The following MED6 variants were observed in gnomAD, a reference collection of about 807,000 sequenced individuals.
MED6 encodes the protein mediator complex subunit 6, also known as mediator of RNA polymerase II transcription subunit 6.
In MED6, 33 loss-of-function variants were observed where a neutral mutation model predicts 37.5. The ratio of observed to expected loss-of-function variants is 0.88; its 90% CI spans 0.67 to 1.18. The LOEUF is 1.18. Ranked by LOEUF, MED6 falls within the 50% of genes most tolerant of loss-of-function variation. MED6 has a pLI of 0.00. For missense variants in MED6, 235 were observed against 290.6 expected, an observed-to-expected ratio of 0.81 and a Z score of 1.39; for synonymous variants, 94 against 93.6, an observed-to-expected ratio of 1.00 and a Z score of -0.02.
At chr14:70,595,666 T>C (rs566632568) in intron 3 of MED6, 10 of 955,184 alleles carry the variant, frequency 1.0e-5, no homozygotes, top group African/African-American at 3.1e-5. Context: ...TAGGCTGAGA[T>C]CACCACCTAC....
At chr14:70,591,553 T>C in intron 5 of MED6, 172 bp from the exon 6 acceptor site, 1 of 531,830 alleles carries the variant, frequency 1.9e-6, no homozygotes, top group Non-Finnish European at 3.3e-6. Context: ...GAAGTGTTGT[T>C]AACTCTCCCT....
intron 6 of MED6, among the ~76,000 whole-genome samples, chr14:70,587,392 C>T (rs1439723175): frequency 1.3e-5 from 2 of 152,188 alleles, no homozygotes; most frequent in East Asian, 3.8e-4. Flanking sequence ...TGAGAACCCC[C>T]AACAAAGCCA....
At chr14:70,593,761 C>T (rs1417872947) in intron 3 of MED6, among the ~76,000 whole-genome samples, 3 of 152,158 alleles carry the variant, frequency 2.0e-5, no homozygotes, top group Non-Finnish European at 4.4e-5. Flanking sequence ...CTAACGAGTT[C>T]CCAAAAGATG....
At chr14:70,587,021 T>C (rs1325440982) in intron 6 of MED6, among the ~76,000 whole-genome samples, 2 of 152,200 alleles carry the variant, frequency 1.3e-5, no homozygotes, top group East Asian at 3.8e-4. Context: ...CCTGCTTTCT[T>C]CAGAGGTTGT....
At chr14:70,595,489 C>T (rs1885016392) in intron 3 of MED6, 2 of 648,350 alleles carry the variant, frequency 3.1e-6, no homozygotes, top group Non-Finnish European at 5.7e-6. Flanking sequence ...AATCTGAAGG[C>T]CAGCTTGGAG....
chr14:70,589,405 T>C (rs1302061044), intron 6 of MED6, among the ~76,000 whole-genome samples: 1 of 152,192 alleles, frequency 6.6e-6, no homozygotes, highest in East Asian at 1.9e-4. Context: ...CAAAACTGAC[T>C]ACACCACTCC....
At chr14:70,595,766 CG>C in intron 3 of MED6, 1 of 712,474 alleles carries the variant, frequency 1.4e-6, no homozygotes, top group South Asian at 1.5e-5. Flanking sequence ...AGACCCCACC[CG>C]CCAGGTAGTG....
In MED6 at chr14:70,592,992, G is replaced by A; in HGVS notation, c.358-4C>T. ...GAATACCATGCACTGCAGTAAGCTT[G>A]TAAAAGGAAAATAAACTCTAAATTT... On this transcript the variant is annotated splice_polypyrimidine_tract_variant and splice_region_variant and intron_variant, in intron 4 of 7. Coordinates refer to ENST00000256379, the MANE Select transcript of MED6 (RefSeq NM_005466.4). 6.2e-7 allele frequency: 1 copy of A among 1,613,112 alleles called. No individual in the cohort carries two copies. Among genetic ancestry groups the A allele is most frequent in the Non-Finnish European group, 8.5e-7 (1 of 1,179,862 alleles).
chr14:70,588,127 A>T lies in MED6; in HGVS notation c.583-2344T>A, dbSNP rs185849768. 4.6e-3 allele frequency among the ~76,000 whole-genome samples: 706 copies of T among 152,244 alleles called. 8 individuals carry two copies. The highest frequency in any genetic ancestry group is 0.016 in the African/African-American group (668 of 41,550). On this transcript the variant is annotated intron_variant, in intron 6 of 7. Transcript: ENST00000256379. ...AGTTCTGGGAGACTTGCAGTAGATT[A>T]TTTTCTTCTCTAGATCTGAGGCTGG...
In MED6 at chr14:70,591,385, T is replaced by C. The variant is rs372989361; in HGVS notation, c.467-4A>G. 3.8e-5 allele frequency: 61 copies of C among 1,592,216 alleles called. No homozygotes were observed. Among genetic ancestry groups the C allele is most frequent in the Non-Finnish European group, 4.9e-5 (57 of 1,171,640 alleles). On this transcript the variant is annotated splice_polypyrimidine_tract_variant and splice_region_variant and intron_variant, in intron 5 of 7. Coordinates refer to ENST00000256379, the MANE Select transcript of MED6 (RefSeq NM_005466.4). ...TTGGCTTTAGGTCTGACTTTATCTA[T>C]TAAAATACGAAGTCCAAATCAAAAC...
intron 7 of MED6, among the ~76,000 whole-genome samples, chr14:70,585,296 T>C (rs552150044): frequency 6.6e-6 from 1 of 152,322 alleles, no homozygotes; most frequent in South Asian, 2.1e-4. Flanking sequence ...TGAAGAAACC[T>C]CGAATCACAG....
rs552122705 is a variant in MED6, at chr14:70,584,414, G to A, written c.*399C>T. On this transcript the variant is annotated 3_prime_UTR_variant, in exon 8 of 8. Coordinates refer to ENST00000256379, the MANE Select transcript of MED6 (RefSeq NM_005466.4). ...TTTTGAGACAAAGTCTCGCTCTGTC[G>A]CCCAAGCTGGAGTGCAACAGCATGA... 1.4e-4 allele frequency: 51 copies of A among 359,216 alleles called. 1 individual carries two copies. The highest frequency in any genetic ancestry group is 7.3e-4 in the African/African-American group (35 of 47,672). 22.3% of individuals were successfully genotyped at this position (359,216 alleles called of 1,614,324 possible).
intron 6 of MED6, among the ~76,000 whole-genome samples, chr14:70,586,170 G>A (rs915376803): frequency 2.0e-5 from 3 of 152,170 alleles, no homozygotes; most frequent in Non-Finnish European, 4.4e-5. Flanking sequence ...TTCCTTAGGG[G>A]TTATGACTTA....
At chr14:70,593,159 A>G (rs1263619408) in intron 4 of MED6, 137 bp downstream of exon 4, 1 of 1,225,540 alleles carries the variant, frequency 8.2e-7, no homozygotes, top group East Asian at 2.4e-5. Flanking sequence ...GCTCACAGTA[A>G]CCAAAGTTCA....
At position 70,584,259 on chromosome 14, in the gene MED6, T is replaced by C; in HGVS notation, c.*554A>G. The C allele has an allele frequency of 1.5e-6, 1 of 687,588 alleles. No homozygotes were observed. The highest frequency in any genetic ancestry group is 2.1e-5 in the Admixed American group (1 of 46,724). 42.6% of individuals were successfully genotyped at this position (687,588 alleles called of 1,614,324 possible). ...GCAATATATACAAATACCTTTATTT[T>C]GCTTTTAAACATATCTACCAGTAAA... On this transcript the variant is annotated 3_prime_UTR_variant, in exon 8 of 8. Transcript: ENST00000256379.
At position 70,591,354 on chromosome 14, in the gene MED6, T is replaced by G. The variant is rs771902505; in HGVS notation, c.494A>C (p.Lys165Thr). Residue 165 changes from lysine (K) to threonine (T), a missense_variant, in exon 6 of 8, where the codon AAA becomes ACA. Transcript: ENST00000256379. ...CTGAAAAATAGAGCTTGGTTCTTCT[T>G]TCCTTTTGGCTTTAGGTCTGACTTT... Reference protein sequence around the residue: ...QDKVRPKAKRKEEPSSIFQRQ... With the variant: ...QDKVRPKAKRTEEPSSIFQRQ... 2.6e-5 allele frequency: 42 copies of G among 1,606,450 alleles called. No homozygotes were observed. The highest frequency in any genetic ancestry group is 1.7e-4 in the Admixed American group (10 of 58,102).
chr14:70,593,992 G>A (rs1240759874), intron 3 of MED6, among the ~76,000 whole-genome samples: 1 of 152,142 alleles, frequency 6.6e-6, no homozygotes, highest in Non-Finnish European at 1.5e-5. Flanking sequence ...TCGCTGGTTT[G>A]CCTTGGTTCT....
At position 70,597,684 on chromosome 14, in the gene MED6, G is replaced by C; in HGVS notation, c.116C>G (p.Pro39Arg). Residue 39 changes from proline (P) to arginine (R), a missense_variant, in exon 2 of 8, where the codon CCT becomes CGT. Coordinates refer to ENST00000256379, the MANE Select transcript of MED6 (RefSeq NM_005466.4). ...ATTATTACATGTTCTGTCATAAAAA[G>C]GATTACTTCTTTCTGAAAAGTAATC... ...VLDYFSERSNPFYDRTCNNEV... is the reference protein window; with the variant it reads ...VLDYFSERSNRFYDRTCNNEV... 6.4e-7 allele frequency: 1 copy of C among 1,563,564 alleles called. No individual in the cohort carries two copies. The highest frequency in any genetic ancestry group is 8.6e-7 in the Non-Finnish European group (1 of 1,162,228).
In MED6 at chr14:70,584,805, T is replaced by C; in HGVS notation, c.*8A>G. On this transcript the variant is annotated 3_prime_UTR_variant, in exon 8 of 8. Transcript: ENST00000256379. Reference sequence around the variant, plus strand: ...AGGAGTCTTCCAGGCTTCTCTTTTGTCCAGTACTCACTGAAGTCTCATCCG... The same window carrying C: ...AGGAGTCTTCCAGGCTTCTCTTTTGCCCAGTACTCACTGAAGTCTCATCCG... 6.2e-7 allele frequency: 1 copy of C among 1,613,574 alleles called. No individual in the cohort carries two copies. The highest frequency in any genetic ancestry group is 8.5e-7 in the Non-Finnish European group (1 of 1,179,840).
Sources: allele counts gnomAD v4.1 joint callset (sites outside exome capture counted in the v4.1 genomes callset), GRCh38; gene constraint gnomAD v4.1.1; transcripts MANE v1.5; gene names NCBI Gene and HGNC (gene_info 2026-07-23, HGNC 2026-07-21).